The following ZNF407 variants were observed in gnomAD, a reference collection of about 807,000 sequenced individuals.
The protein encoded by ZNF407 is zinc finger protein 407.
In ZNF407, 17 loss-of-function variants were observed where a neutral mutation model predicts 131.2. The ratio of observed to expected loss-of-function variants is 0.13; its 90% CI spans 0.09 to 0.19. ZNF407 has a LOEUF of 0.19. Ranked by LOEUF, ZNF407 falls within the 10% of genes least tolerant of loss-of-function variation. The probability of loss-of-function intolerance (pLI) is 1.00; values close to 1 mark genes in which losing one functional copy is unlikely to be tolerated. For missense variants in ZNF407, 2,681 were observed against 2,830.6 expected (o/e 0.95, Z 1.20); for synonymous variants, 1,156 against 1,062.0 (o/e 1.09, Z -1.72).
At chr18:74,752,750 C>A (rs1391999342) in intron 3 of ZNF407, among the ~76,000 whole-genome samples, 3 of 152,128 alleles carry the variant, frequency 2.0e-5, no homozygotes, top group Non-Finnish European at 2.9e-5. Context: ...GTTTTGGTAC[C>A]AGTACCATGC....
rs1469260310 is a variant in ZNF407 at position 74,970,853 on chromosome 18, C to T, written c.5428+50161C>T. On this transcript the variant is annotated intron_variant, in intron 8 of 8. Coordinates refer to ENST00000299687, the MANE Select transcript of ZNF407 (RefSeq NM_017757.3). ...TGTGGGGGCTCTGACCCCACATTTT[C>T]TTTGCACGCTGCCCTAGCAGAGGCT... Among the ~76,000 whole-genome samples the T allele has an allele frequency of 5.3e-5, 8 of 152,352 alleles. No individual in the cohort carries two copies. The East Asian group carries it at 1.2e-3, about 22-fold the overall frequency.
intron 8 of ZNF407, among the ~76,000 whole-genome samples, chr18:75,006,817 G>A (rs1972916167): frequency 6.6e-6 from 1 of 151,902 alleles, no homozygotes; most frequent in Non-Finnish European, 1.5e-5. Flanking sequence ...TACTACAAGT[G>A]TGATTTTTTT....
At chr18:74,716,940 C>T (rs1250194494) in intron 3 of ZNF407, among the ~76,000 whole-genome samples, 2 of 152,112 alleles carry the variant, frequency 1.3e-5, no homozygotes, top group Non-Finnish European at 2.9e-5. Context: ...CTCGAACATT[C>T]ATAGAGAAAC....
At chr18:75,019,015 G>T (rs1019332209) in intron 8 of ZNF407, among the ~76,000 whole-genome samples, 1 of 152,022 alleles carries the variant, frequency 6.6e-6, no homozygotes, top group African/African-American at 2.4e-5. Context: ...AGAATAATCT[G>T]ATCAAACCCA....
At chr18:74,978,738 C>T (rs545336549) in intron 8 of ZNF407, among the ~76,000 whole-genome samples, 12 of 151,570 alleles carry the variant, frequency 7.9e-5, no homozygotes, top group Non-Finnish European at 7.4e-5. Context: ...CTCCTGAAAG[C>T]GAAAAATTGA....
intron 4 of ZNF407, among the ~76,000 whole-genome samples, 195 bp downstream of exon 4, chr18:74,781,697 C>CCA (rs1354053465): frequency 2.6e-5 from 4 of 151,800 alleles, no homozygotes; most frequent in Non-Finnish European, 5.9e-5. Flanking sequence ...AAACTTGAGT[C>CCA]TAGAAGTAGT....
At chr18:74,815,447 G>A (rs1970255250) in intron 4 of ZNF407, among the ~76,000 whole-genome samples, 1 of 152,054 alleles carries the variant, frequency 6.6e-6, no homozygotes, top group African/African-American at 2.4e-5. Context: ...GTTTGCTTTT[G>A]TCCCTGTCTT....
At chr18:74,641,633 T>C (rs1984723978) in intron 3 of ZNF407, among the ~76,000 whole-genome samples, 1 of 152,202 alleles carries the variant, frequency 6.6e-6, no homozygotes, top group African/African-American at 2.4e-5. Context: ...TGCATTTTTG[T>C]GTAACTTTAT....
chr18:74,978,125 G>A (rs957942066), intron 8 of ZNF407, among the ~76,000 whole-genome samples: 3 of 152,168 alleles, frequency 2.0e-5, no homozygotes, highest in Non-Finnish European at 4.4e-5. Flanking sequence ...GCGCCTTTGG[G>A]ACCTTCACGG....
intron 2 of ZNF407, among the ~76,000 whole-genome samples, chr18:74,639,717 C>T (rs1984621055): frequency 6.6e-6 from 1 of 152,140 alleles, no homozygotes; most frequent in African/African-American, 2.4e-5. Context: ...AATATTCAAC[C>T]TTGTCTGCCG....
chr18:75,000,224 T>A (rs954747351), intron 8 of ZNF407, among the ~76,000 whole-genome samples: 3 of 152,232 alleles, frequency 2.0e-5, no homozygotes, highest in African/African-American at 7.2e-5. Context: ...TACTGGATGC[T>A]CATTTGTACC....
chr18:74,842,605 T>C (rs1281929030), intron 4 of ZNF407, among the ~76,000 whole-genome samples: 1 of 1,708 alleles, frequency 5.9e-4, no homozygotes, highest in East Asian at 0.029. Context: ...TAGTGATGTG[T>C]GTGTGTGTGT....
intron 3 of ZNF407, among the ~76,000 whole-genome samples, chr18:74,684,367 A>G (rs991895417): frequency 6.6e-6 from 1 of 152,226 alleles, no homozygotes; most frequent in African/African-American, 2.4e-5. Context: ...TTGAATTTCA[A>G]AAGTTAAATA....
intron 3 of ZNF407, among the ~76,000 whole-genome samples, chr18:74,700,563 C>T (rs950452233): frequency 6.6e-6 from 1 of 152,162 alleles, no homozygotes; most frequent in Non-Finnish European, 1.5e-5. Context: ...TTGATCCCCA[C>T]CTCCCCCCAA....
chr18:74,987,747 T>A (rs529013528), intron 8 of ZNF407, among the ~76,000 whole-genome samples: 10 of 152,258 alleles, frequency 6.6e-5, no homozygotes, highest in South Asian at 6.2e-4. Flanking sequence ...ATACATTTTT[T>A]AAAATATATT....
At chr18:74,949,826 C>A (rs1383385445) in intron 8 of ZNF407, among the ~76,000 whole-genome samples, 1 of 152,140 alleles carries the variant, frequency 6.6e-6, no homozygotes, top group Non-Finnish European at 1.5e-5. Flanking sequence ...AAGGTCAACA[C>A]AAGGGCAGGC....
intron 4 of ZNF407, among the ~76,000 whole-genome samples, chr18:74,829,295 A>G (rs1970450804): frequency 6.6e-6 from 1 of 152,226 alleles, no homozygotes; most frequent in Non-Finnish European, 1.5e-5. Context: ...ATGTAGAATC[A>G]TTTGTAATAG....
intron 1 of ZNF407, among the ~76,000 whole-genome samples, chr18:74,621,216 A>C (rs1292456757): frequency 6.6e-6 from 1 of 152,158 alleles, no homozygotes; most frequent in East Asian, 1.9e-4. Context: ...TAACTATATC[A>C]TTTGTAAAAT....
Position 74,635,143 on chromosome 18 carries a change from C to G in ZNF407, c.4124C>G (p.Ser1375Cys). The change falls in exon 2 of 9, where the codon TCT (serine) becomes TGT (cysteine). Residue 1375 changes from serine to cysteine, a missense_variant. Physicochemically the swap from Ser to Cys is moderately radical, Grantham distance 112. Around this residue, in one of 6 missense-constraint regions of ZNF407, gnomAD observed 1,789 missense variants for 1,748.7 expected, o/e 1.02. Transcript: ENST00000299687. This position sits in a 1 kb window ranked among gnomAD's most constrained non-coding sequence, Gnocchi z 4.7. ...NPEDGELIDQSEEGLIATGVR... is the reference protein window; with the variant it reads ...NPEDGELIDQCEEGLIATGVR... The stretch of plus-strand genomic sequence containing the variant: ...GAAGATGGTGAGTTGATAGACCAGT[C>G]TGAAGAGGGCTTGATAGCAACGGGA... The G allele has an allele frequency of 1.2e-6, 2 of 1,613,998 alleles. No individual in the cohort carries two copies. Among genetic ancestry groups the G allele is most frequent in the Non-Finnish European group, 1.7e-6 (2 of 1,179,876 alleles).
Sources: allele counts gnomAD v4.1 joint callset (sites outside exome capture counted in the v4.1 genomes callset), GRCh38; gene constraint gnomAD v4.1.1; regional missense constraint gnomAD v4.1.1; non-coding constraint Gnocchi (gnomAD v3.1); transcripts MANE v1.5; gene names NCBI Gene and HGNC (gene_info 2026-07-23, HGNC 2026-07-21).